Variants in SAMD12 observed in about 807,000 individuals in gnomAD.
The protein encoded by SAMD12 is sterile alpha motif domain-containing protein 12.
In SAMD12, 9 loss-of-function variants were observed where a neutral mutation model predicts 15.0. The ratio of observed to expected loss-of-function variants is 0.60; its 90% CI spans 0.36 to 1.05. The LOEUF (loss-of-function observed/expected upper bound fraction) is 1.05. Ranked by LOEUF, SAMD12 falls within the 50% of genes least tolerant of loss-of-function variation. The pLI, the probability that SAMD12 is intolerant of heterozygous loss-of-function variation, is 0.01. For missense variants in SAMD12, 230 were observed against 234.2 expected (o/e 0.98, Z 0.12); for synonymous variants, 86 against 90.1 (o/e 0.96, Z 0.25).
chr8:118,453,630 C>T (rs1823150711), intron 2 of SAMD12, among the ~76,000 whole-genome samples: 1 of 152,132 alleles, frequency 6.6e-6, no homozygotes, highest in South Asian at 2.1e-4. Context: ...AAATGGTCCT[C>T]CTATCTCAGC....
intron 4 of SAMD12, among the ~76,000 whole-genome samples, chr8:118,280,669 A>G (rs562350615): frequency 6.6e-6 from 1 of 152,336 alleles, no homozygotes; most frequent in East Asian, 1.9e-4. Context: ...GGAGAAAAGC[A>G]TTCTTCAGAA....
At chr8:118,610,048 C>T (rs1269539845) in intron 1 of SAMD12, among the ~76,000 whole-genome samples, 1 of 152,140 alleles carries the variant, frequency 6.6e-6, no homozygotes, top group African/African-American at 2.4e-5. Flanking sequence ...CTGTGTTGAG[C>T]TTATAGCAAG....
At chr8:118,528,680 G>C (rs909998878) in intron 2 of SAMD12, among the ~76,000 whole-genome samples, 10 of 152,212 alleles carry the variant, frequency 6.6e-5, no homozygotes, top group Admixed American at 6.5e-5. Flanking sequence ...ACAGGAGTCT[G>C]TCTTCTCATT....
intron 3 of SAMD12, among the ~76,000 whole-genome samples, chr8:118,394,160 C>T (rs1820433232): frequency 1.3e-5 from 2 of 152,166 alleles, no homozygotes; most frequent in Non-Finnish European, 1.5e-5. Flanking sequence ...ATATGCTCAT[C>T]AAGCTTGAAG....
At chr8:118,571,436 A>C (rs916736888) in intron 2 of SAMD12, among the ~76,000 whole-genome samples, 3 of 152,260 alleles carry the variant, frequency 2.0e-5, no homozygotes, top group African/African-American at 7.2e-5. Flanking sequence ...AGAAATTTGC[A>C]TAACTAACGA....
intron 2 of SAMD12, among the ~76,000 whole-genome samples, chr8:118,516,222 T>TA (rs1216631623): frequency 3.3e-5 from 5 of 152,262 alleles, no homozygotes; most frequent in African/African-American, 9.6e-5. Context: ...ATCACACACT[T>TA]ATTAGTTATT....
intron 4 of SAMD12, among the ~76,000 whole-genome samples, chr8:118,216,633 T>C (rs183668090): frequency 1.8e-3 from 280 of 152,254 alleles, no homozygotes; most frequent in African/African-American, 6.6e-3. Context: ...CAATTACTAG[T>C]AGTTGGTAGA....
intron 4 of SAMD12, among the ~76,000 whole-genome samples, chr8:118,363,411 G>C (rs1383774556): frequency 6.6e-6 from 1 of 152,170 alleles, no homozygotes; most frequent in Non-Finnish European, 1.5e-5. Context: ...AAACAAAAAG[G>C]CTGGCCTTCC....
intron 4 of SAMD12, among the ~76,000 whole-genome samples, chr8:118,298,640 C>A (rs1814854890): frequency 1.3e-5 from 2 of 152,174 alleles, no homozygotes; most frequent in African/African-American, 4.8e-5. Context: ...TGCTAAGAAT[C>A]TACCTAAAAA....
chr8:118,356,524 G>C (rs536928945), intron 4 of SAMD12, among the ~76,000 whole-genome samples: 1 of 152,262 alleles, frequency 6.6e-6, no homozygotes, highest in Admixed American at 6.5e-5. Flanking sequence ...GATACTTTGA[G>C]CCTGCACTTT....
chr8:118,616,497 G>C (rs965031401), intron 1 of SAMD12, among the ~76,000 whole-genome samples: 1 of 152,244 alleles, frequency 6.6e-6, no homozygotes, highest in African/African-American at 2.4e-5. Context: ...AGGCAGGACA[G>C]AGCTTCTTGT....
At chr8:118,527,666 TAAGAC>T (rs1825569267) in intron 2 of SAMD12, among the ~76,000 whole-genome samples, 1 of 152,206 alleles carries the variant, frequency 6.6e-6, no homozygotes, top group South Asian at 2.1e-4. Context: ...TTTTGCCACT[TAAGAC>T]AATATTAGTT....
intron 4 of SAMD12, among the ~76,000 whole-genome samples, chr8:118,300,386 T>G (rs1043606926): frequency 6.6e-6 from 1 of 152,188 alleles, no homozygotes; most frequent in Non-Finnish European, 1.5e-5. Flanking sequence ...TAAGACATCT[T>G]TAGACACCTT....
chr8:118,223,889 C>T (rs1429193478), intron 4 of SAMD12, among the ~76,000 whole-genome samples: 1 of 152,172 alleles, frequency 6.6e-6, no homozygotes, highest in Non-Finnish European at 1.5e-5. Flanking sequence ...CACCAGGTGG[C>T]TCCTGGCCTC....
chr8:118,186,868 G>A (rs183806330), downstream of SAMD12, among the ~76,000 whole-genome samples: 2 of 152,178 alleles, frequency 1.3e-5, no homozygotes, highest in Admixed American at 6.5e-5. Flanking sequence ...TTTGGGTGGA[G>A]GATAATGAGG....
Position 118,273,645 on chromosome 8 carries a change from G to C in SAMD12, c.434-75913C>G, listed in dbSNP as rs533663897. The stretch of plus-strand genomic sequence containing the variant: ...CCCCATGATGAACTCTGAGACATTG[G>C]ATAAGGATTGTTGTGAAACAGACTG... On this transcript the variant is annotated intron_variant, in intron 4 of 4. Coordinates refer to the SAMD12 transcript ENST00000409003. Among the ~76,000 whole-genome samples the C allele has an allele frequency of 3.2e-4, 48 of 152,292 alleles. 1 individual carries two copies. The highest frequency in any genetic ancestry group is 1.2e-3 in the African/African-American group (48 of 41,554).
intron 4 of SAMD12, among the ~76,000 whole-genome samples, chr8:118,349,197 T>A (rs1817827969): frequency 6.6e-6 from 1 of 152,200 alleles, no homozygotes; most frequent in Non-Finnish European, 1.5e-5. Context: ...TAAGCCAATT[T>A]TTAATATGCC....
chr8:118,457,603 T>C (rs2130929540), intron 2 of SAMD12, among the ~76,000 whole-genome samples: 1 of 152,272 alleles, frequency 6.6e-6, no homozygotes, highest in South Asian at 2.1e-4. Context: ...TGGGGCGTAA[T>C]TCACTCAGAC....
chr8:118,237,057 TG>T (rs1812452543), intron 4 of SAMD12, among the ~76,000 whole-genome samples: 5 of 152,246 alleles, frequency 3.3e-5, no homozygotes, highest in Admixed American at 3.3e-4. Flanking sequence ...TTGAGGATGG[TG>T]GTTATGATAC....
Sources: gnomAD v4.1 joint callset for allele counts (sites outside exome capture counted in the v4.1 genomes callset) on GRCh38, gnomAD v4.1.1 for gene constraint, MANE v1.5 for transcripts, NCBI Gene and HGNC (gene_info 2026-07-23, HGNC 2026-07-21) for gene names.